TENM3: variants seen among roughly 807,000 people sequenced by gnomAD.
TENM3 encodes teneurin-3.
Under a neutral mutation model 255.1 loss-of-function variants are expected in TENM3, and 63 were observed. The observed-to-expected ratio is 0.25, with a 90% confidence interval of 0.20 to 0.30. The LOEUF is 0.30. TENM3 is among the 10% of genes least tolerant of loss of function. The probability of loss-of-function intolerance (pLI) is 1.00; values close to 1 mark genes in which losing one functional copy is unlikely to be tolerated. For synonymous variants in TENM3, 1,306 were observed against 1,322.3 expected (o/e 0.99, Z 0.27); for missense variants, 2,929 against 3,461.1 (o/e 0.85, Z 3.86).
At chr4:182,381,251 G>C (rs1359410010) in intron 3 of TENM3, among the ~76,000 whole-genome samples, 1 of 152,148 alleles carries the variant, frequency 6.6e-6, no homozygotes, top group African/African-American at 2.4e-5. Context: ...CAATTCCCAT[G>C]CCAAAGATAA....
At chr4:181,495,280 T>C in the TENM3 span, among the ~76,000 whole-genome samples, 1 of 152,132 alleles carries the variant, frequency 6.6e-6, no homozygotes, top group African/African-American at 2.4e-5. Context: ...TCATAGGAGT[T>C]AGCGAAGGAG....
At chr4:181,546,737 A>G in the TENM3 span, among the ~76,000 whole-genome samples, 2 of 142,636 alleles carry the variant, frequency 1.4e-5, no homozygotes, top group African/African-American at 2.7e-5. Flanking sequence ...AAAGAAGAAG[A>G]AGAAGAAATG....
intron 3 of TENM3, among the ~76,000 whole-genome samples, chr4:182,436,753 C>G (rs1772079394): frequency 6.6e-6 from 1 of 151,160 alleles, no homozygotes; most frequent in African/African-American, 2.4e-5. Context: ...CATGGTGGCT[C>G]ACACCTGTAA....
intron 6 of TENM3, among the ~76,000 whole-genome samples, chr4:182,664,389 C>G (rs1754470828): frequency 6.6e-6 from 1 of 152,182 alleles, no homozygotes; most frequent in Non-Finnish European, 1.5e-5. Context: ...TGTGTTCTGA[C>G]TGCTCCGTGA....
At chr4:182,766,078 G>GGC (rs1271290455) in intron 22 of TENM3, among the ~76,000 whole-genome samples, 3 of 152,168 alleles carry the variant, frequency 2.0e-5, no homozygotes, top group African/African-American at 7.2e-5. Context: ...CTAGAAGCCT[G>GGC]GCACAGCCCT....
chr4:181,945,897 C>A, the TENM3 span, among the ~76,000 whole-genome samples: 4 of 151,754 alleles, frequency 2.6e-5, no homozygotes, highest in Non-Finnish European at 2.9e-5. Context: ...ACACACACAC[C>A]CACACAGTCT....
the TENM3 span, among the ~76,000 whole-genome samples, chr4:181,973,487 T>G: frequency 6.6e-6 from 1 of 152,182 alleles, no homozygotes; most frequent in Non-Finnish European, 1.5e-5. Context: ...CTTTGGGAGA[T>G]TGAAGCAGGA....
chr4:181,645,703 T>C, the TENM3 span, among the ~76,000 whole-genome samples: 2 of 152,194 alleles, frequency 1.3e-5, no homozygotes, highest in Non-Finnish European at 2.9e-5. Context: ...GCTGGGCTAC[T>C]GACAAAAATA....
At chr4:182,128,186 T>C in the TENM3 span, among the ~76,000 whole-genome samples, 1 of 152,102 alleles carries the variant, frequency 6.6e-6, no homozygotes, top group Non-Finnish European at 1.5e-5. Flanking sequence ...AGAAACCCTA[T>C]TTTATATGGT....
chr4:181,641,550 G>GTA, the TENM3 span, among the ~76,000 whole-genome samples: 121 of 49,018 alleles, frequency 2.5e-3, 5 homozygotes, highest in African/African-American at 0.013. Context: ...TCCATGGTGT[G>GTA]TGTGTATATA....
the TENM3 span, among the ~76,000 whole-genome samples, chr4:181,824,268 A>ATT: frequency 1.1e-4 from 16 of 145,086 alleles, no homozygotes; most frequent in East Asian, 1.0e-3. Context: ...CACCTGGCTA[A>ATT]TTTTTTTTTT....
the TENM3 span, among the ~76,000 whole-genome samples, chr4:181,762,630 C>G: frequency 1.3e-5 from 2 of 152,164 alleles, no homozygotes; most frequent in African/African-American, 2.4e-5. Flanking sequence ...GGGTGAGAAG[C>G]AGGGACTGAC....
chr4:182,068,193 C>T, the TENM3 span, among the ~76,000 whole-genome samples: 16,078 of 151,984 alleles, frequency 0.11, 852 homozygotes, highest in South Asian at 0.14. Context: ...AAACCCTTTG[C>T]GGATAGAATA....
chr4:181,863,358 T>C, the TENM3 span, among the ~76,000 whole-genome samples: 4 of 152,040 alleles, frequency 2.6e-5, no homozygotes, highest in African/African-American at 7.2e-5. Flanking sequence ...GACTACTAAA[T>C]AAAAATGTCA....
chr4:182,336,589 GT>G (rs2150586778), intron 2 of TENM3, among the ~76,000 whole-genome samples: 1 of 152,284 alleles, frequency 6.6e-6, no homozygotes, highest in South Asian at 2.1e-4. Flanking sequence ...CCCTTTGGGG[GT>G]TGGAGAAGAA....
chr4:182,358,039 G>A (rs1190158510), intron 3 of TENM3, among the ~76,000 whole-genome samples: 10 of 149,636 alleles, frequency 6.7e-5, no homozygotes, highest in East Asian at 2.0e-4. Context: ...GATATGCGGC[G>A]TTATTTCTGA....
At chr4:182,622,969 A>T (rs1750435724) in intron 4 of TENM3, among the ~76,000 whole-genome samples, 1 of 151,354 alleles carries the variant, frequency 6.6e-6, no homozygotes, top group African/African-American at 2.4e-5. Flanking sequence ...TTTTAAAAAT[A>T]TTTGTTTATG....
chr4:181,467,125 A>ATATATATTTTTTTTTTT, the TENM3 span, among the ~76,000 whole-genome samples: 2 of 17,612 alleles, frequency 1.1e-4, no homozygotes, highest in South Asian at 1.8e-3. Context: ...ATATATATAT[A>ATATATATTTTTTTTTTT]TTTTTTTTTT....
chr4:182,346,345 C>T (rs528510849), intron 2 of TENM3, among the ~76,000 whole-genome samples: 11 of 152,038 alleles, frequency 7.2e-5, no homozygotes, highest in Non-Finnish European at 1.6e-4. Context: ...TATCATTGCA[C>T]TAATCCTTTC....
Sources: allele counts gnomAD v4.1 joint callset (sites outside exome capture counted in the v4.1 genomes callset), GRCh38; gene constraint gnomAD v4.1.1; transcripts MANE v1.5; gene names NCBI Gene and HGNC (gene_info 2026-07-23, HGNC 2026-07-21).